Variants in PCNX2 observed in about 807,000 individuals in gnomAD.
PCNX2 encodes the protein pecanex 2, also known as pecanex-like protein 2.
PCNX2 carries 168 observed loss-of-function variants against 223.8 expected under a neutral mutation model. The observed-to-expected ratio is 0.75, with a 90% CI of 0.66 to 0.85. The LOEUF (loss-of-function observed/expected upper bound fraction) is 0.85, where lower values mean the gene tolerates loss of function less well. Ranked by LOEUF, PCNX2 falls within the 40% of genes least tolerant of loss-of-function variation. PCNX2 has a pLI of 0.00. For synonymous variants in PCNX2, 1,006 were observed against 1,052.6 expected (o/e 0.96, Z 0.86); for missense variants, 2,507 against 2,675.5 (o/e 0.94, Z 1.39).
At chr1:233,077,836 G>A (rs962938285) in intron 23 of PCNX2, among the ~76,000 whole-genome samples, 3 of 134,700 alleles carry the variant, frequency 2.2e-5, no homozygotes, top group Non-Finnish European at 4.7e-5. Context: ...AATCATGAAA[G>A]GGAGCATCTA....
At chr1:233,296,679 C>T (rs992588440), upstream of PCNX2, among the ~76,000 whole-genome samples, 4 of 152,178 alleles carry the variant, frequency 2.6e-5, no homozygotes, top group African/African-American at 7.2e-5. Flanking sequence ...TTAGAGGGCT[C>T]CATGATTCCC....
rs369270678 is a variant in PCNX2, at chr1:233,010,084, TG to T, written c.4952+4580del. ...GTTTACTTTATCAGATTCTGATTTC[TG>T]AGTTTCCTTAGTCTGGCAAGTGGAC... is the stretch of plus-strand genomic sequence containing the variant. On this transcript the variant is annotated intron_variant, in intron 28 of 33. Transcript: ENST00000258229. Among the ~76,000 whole-genome samples the T allele has an allele frequency of 1.2e-3, 181 of 152,348 alleles. 1 individual carries two copies. Among genetic ancestry groups the T allele is most frequent in the African/African-American group, 4.1e-3 (170 of 41,584 alleles).
intron 13 of PCNX2, among the ~76,000 whole-genome samples, chr1:233,206,925 C>T (rs932071867): frequency 2.6e-5 from 4 of 151,564 alleles, no homozygotes; most frequent in African/African-American, 9.7e-5. Flanking sequence ...GCTGGAGAAT[C>T]GCTTGAATCC....
At chr1:233,165,171 TAAAA>T (rs1225557509) in intron 17 of PCNX2, among the ~76,000 whole-genome samples, 1 of 152,078 alleles carries the variant, frequency 6.6e-6, no homozygotes, top group Non-Finnish European at 1.5e-5. Flanking sequence ...AAAGCAAAAT[TAAAA>T]AAAGAAACTG....
chr1:232,989,986 T>C (rs1669635874), intron 32 of PCNX2, among the ~76,000 whole-genome samples: 2 of 152,200 alleles, frequency 1.3e-5, no homozygotes, highest in Admixed American at 1.3e-4. Context: ...GGGAATGTTC[T>C]CCCCATAGCT....
intron 7 of PCNX2, among the ~76,000 whole-genome samples, chr1:233,251,119 CTT>C (rs1018120134): frequency 2.6e-5 from 4 of 152,120 alleles, no homozygotes; most frequent in African/African-American, 9.7e-5. Flanking sequence ...TTTTGATAGA[CTT>C]ATTTGTATCA....
chr1:233,141,080 A>T (rs528469625), intron 19 of PCNX2, among the ~76,000 whole-genome samples: 22 of 152,334 alleles, frequency 1.4e-4, no homozygotes, highest in African/African-American at 5.3e-4. Context: ...AGAGTTAAAA[A>T]GAGAGTTATG....
chr1:233,023,390 T>G (rs907009576), intron 26 of PCNX2, among the ~76,000 whole-genome samples: 1 of 152,212 alleles, frequency 6.6e-6, no homozygotes, highest in African/African-American at 2.4e-5. Context: ...CAGGAGGATA[T>G]TGTGGCAGCT....
chr1:233,271,743 C>CT (rs1472905456), intron 1 of PCNX2, among the ~76,000 whole-genome samples: 7 of 152,204 alleles, frequency 4.6e-5, no homozygotes, highest in Admixed American at 1.3e-4. Flanking sequence ...CCTTTCCCCA[C>CT]TTTATGTTTT....
chr1:233,163,985 C>A (rs1277347797), intron 17 of PCNX2, among the ~76,000 whole-genome samples: 1 of 152,088 alleles, frequency 6.6e-6, no homozygotes, highest in Admixed American at 6.5e-5. Flanking sequence ...CTATTTGCAG[C>A]TAAATAAAGC....
At chr1:233,112,683 C>T (rs764172031) in intron 21 of PCNX2, among the ~76,000 whole-genome samples, 2 of 152,108 alleles carry the variant, frequency 1.3e-5, no homozygotes, top group Admixed American at 6.5e-5. Context: ...GATGTGTTAG[C>T]GGGATGAATG....
At chr1:233,068,642 C>T (rs1266886508) in intron 23 of PCNX2, among the ~76,000 whole-genome samples, 1 of 151,902 alleles carries the variant, frequency 6.6e-6, no homozygotes, top group Non-Finnish European at 1.5e-5. Context: ...AATGACAGTA[C>T]CAGTAGATTT....
intron 1 of PCNX2, among the ~76,000 whole-genome samples, chr1:233,268,907 G>A (rs570661226): frequency 6.6e-6 from 1 of 152,226 alleles, no homozygotes; most frequent in South Asian, 2.1e-4. Context: ...AGCTGGTTGG[G>A]CCAAGAAGGT....
intron 23 of PCNX2, among the ~76,000 whole-genome samples, chr1:233,071,636 G>C (rs1173694991): frequency 6.6e-6 from 1 of 152,172 alleles, no homozygotes; most frequent in African/African-American, 2.4e-5. Flanking sequence ...AGGACAGAGC[G>C]ATTTATATTC....
chr1:233,228,663 A>G lies in PCNX2; in HGVS notation c.2359-1292T>C, dbSNP rs138474945. On this transcript the variant is annotated intron_variant, in intron 9 of 33. Transcript: ENST00000258229. ...TTTCCCTTCTTTTTAAGGCTGAATA[A>G]TACTCCTTGTATGTCTGTATCACGT... 3.9e-3 allele frequency among the ~76,000 whole-genome samples: 599 copies of G among 152,288 alleles called. 3 individuals are homozygous for G. Among genetic ancestry groups the G allele is most frequent in the Middle Eastern group, 0.024 (7 of 294 alleles).
intron 23 of PCNX2, among the ~76,000 whole-genome samples, chr1:233,086,623 A>G (rs58301905): frequency 0.099 from 14,998 of 152,038 alleles, 856 homozygotes; most frequent in African/African-American, 0.15. Context: ...GTGAGTGGAG[A>G]TCGTGCCACT....
At chr1:233,263,640 G>C (rs1660180701) in intron 1 of PCNX2, among the ~76,000 whole-genome samples, 1 of 151,982 alleles carries the variant, frequency 6.6e-6, no homozygotes, top group Non-Finnish European at 1.5e-5. Flanking sequence ...ATTTTTAATA[G>C]AGACAGGATT....
At chr1:233,033,579 G>A (rs760259363) in intron 25 of PCNX2, among the ~76,000 whole-genome samples, 6 of 152,220 alleles carry the variant, frequency 3.9e-5, no homozygotes, top group Non-Finnish European at 4.4e-5. Context: ...AGAACATTGT[G>A]CAATATGGTG....
intron 32 of PCNX2, among the ~76,000 whole-genome samples, chr1:232,993,607 A>G (rs1189904918): frequency 6.6e-6 from 1 of 152,242 alleles, no homozygotes. Flanking sequence ...TCGCTGCAGA[A>G]ATTTGCATAA....
Sources: gnomAD v4.1 joint callset for allele counts (sites outside exome capture counted in the v4.1 genomes callset) on GRCh38, gnomAD v4.1.1 for gene constraint, MANE v1.5 for transcripts, NCBI Gene and HGNC (gene_info 2026-07-23, HGNC 2026-07-21) for gene names.